Variants in COL5A1 observed in about 807,000 individuals in gnomAD.
COL5A1 encodes collagen type V alpha 1 chain, also known as collagen alpha-1(V) chain.
Under a neutral mutation model 263.7 loss-of-function variants are expected in COL5A1, and 16 were observed. The observed-to-expected ratio is 0.06, with a 90% CI of 0.04 to 0.09. The LOEUF is 0.09. Ranked by LOEUF, COL5A1 falls within the 10% of genes least tolerant of loss-of-function variation. The probability of loss-of-function intolerance (pLI) is 1.00; values close to 1 mark genes in which losing one functional copy is unlikely to be tolerated. For missense variants in COL5A1, 2,036 were observed against 2,540.5 expected, an observed-to-expected ratio of 0.80 and a Z score of 4.27; for synonymous variants, 1,012 against 1,004.5, an observed-to-expected ratio of 1.01 and a Z score of -0.14.
intron 4 of COL5A1, among the ~76,000 whole-genome samples, chr9:134,715,058 C>T (rs926395787): frequency 1.3e-5 from 2 of 151,998 alleles, no homozygotes; most frequent in African/African-American, 2.4e-5. Flanking sequence ...GACCAGCGCT[C>T]AGCATACGGA....
chr9:134,698,227 A>G (rs1046553190), intron 2 of COL5A1, among the ~76,000 whole-genome samples: 11 of 152,186 alleles, frequency 7.2e-5, no homozygotes, highest in African/African-American at 1.9e-4. Flanking sequence ...GGCTGTCCCC[A>G]GCTTTGGGGG....
At chr9:134,813,722 A>G (rs1482938276) in intron 48 of COL5A1, among the ~76,000 whole-genome samples, 1 of 152,196 alleles carries the variant, frequency 6.6e-6, no homozygotes, top group Non-Finnish European at 1.5e-5. Flanking sequence ...CAACCCTTGG[A>G]GCAGCGCTCC....
rs57599653 is a variant in COL5A1 at position 134,843,155 on chromosome 9, CTTTTT to C, written c.*861_*865del. 1 of 108,528 alleles carries C rather than the reference CTTTTT, an allele frequency of 9.2e-6. No individual in the cohort carries two copies. Among genetic ancestry groups the C allele is most frequent in the Non-Finnish European group, 2.1e-5 (1 of 48,132 alleles). 6.7% of individuals were successfully genotyped at this position (108,528 alleles called of 1,614,324 possible). On this transcript the variant is annotated 3_prime_UTR_variant, in exon 66 of 66. Transcript: ENST00000371817. ...CAGACAGTTTTTGATTCGCTCTAGA[CTTTTT>C]TTTTTTTTAATAGGGAAAAAATTTG...
rs181875141 is a variant in COL5A1 at position 134,699,244 on chromosome 9, A to C, written c.278-665A>C. Among the ~76,000 whole-genome samples, 190 of 152,272 alleles carry C rather than the reference A, an allele frequency of 1.2e-3. 2 individuals are homozygous for C. Among genetic ancestry groups the C allele is most frequent in the African/African-American group, 4.1e-3 (169 of 41,554 alleles). On this transcript the variant is annotated intron_variant, in intron 2 of 65. Transcript: ENST00000371817. ...TGGGTCTGCCTTTTAATGACCTCAA[A>C]TTGCTCCTGGCATGTGTTGTAAGAG...
intron 14 of COL5A1, 91 bp from the exon 15 acceptor site, chr9:134,753,759 T>TCCCCCCGGCCCCCCCCCGCCCCCCCCC: frequency 1.8e-6 from 1 of 540,648 alleles, no homozygotes. Context: ...CCCTGTCCCC[T>TCCCCCCGGCCCCCCCCCGCCCCCCCCC]CCCCCTGCCC....
intron 1 of COL5A1, among the ~76,000 whole-genome samples, chr9:134,674,630 A>G (rs1416677407): frequency 6.6e-6 from 1 of 152,190 alleles, no homozygotes; most frequent in Non-Finnish European, 1.5e-5. Context: ...TCACGCCTGT[A>G]ATCCCAGCAC....
At chr9:134,840,468 C>T (rs558293252) in intron 65 of COL5A1, among the ~76,000 whole-genome samples, 5 of 152,292 alleles carry the variant, frequency 3.3e-5, no homozygotes, top group East Asian at 3.9e-4. Flanking sequence ...TCACAGAAAG[C>T]GTATCGGTTA....
chr9:134,830,781 A>G (rs946022134), intron 64 of COL5A1, among the ~76,000 whole-genome samples: 2 of 152,228 alleles, frequency 1.3e-5, no homozygotes, highest in Non-Finnish European at 2.9e-5. Flanking sequence ...AGAACCACAT[A>G]GGAGGTTCTT....
At chr9:134,822,887 A>G (rs1839073796) in intron 59 of COL5A1, 111 bp from the exon 60 acceptor site, 2 of 1,176,002 alleles carry the variant, frequency 1.7e-6, no homozygotes, top group Non-Finnish European at 2.5e-6. Flanking sequence ...CTTGAGGGGG[A>G]TGCGGGTGGG....
At position 134,765,962 on chromosome 9, in the gene COL5A1, C is replaced by T. The variant is rs1263814616; in HGVS notation, c.2088+228C>T. ...GAGGCCCGAGGCTGCCGGCCTCACG[C>T]CTCCGCTTCACCCTGGCTGCACTTC... is the stretch of plus-strand genomic sequence containing the variant. On this transcript the variant is annotated intron_variant, in intron 21 of 65. Coordinates refer to ENST00000371817, the MANE Select transcript of COL5A1 (RefSeq NM_000093.5). This position sits in a 1 kb window ranked among gnomAD's most constrained non-coding sequence, Gnocchi z 5.1. 6.6e-6 allele frequency among the ~76,000 whole-genome samples: 1 copy of T among 152,344 alleles called. No homozygotes were observed. Among genetic ancestry groups the T allele is most frequent in the Middle Eastern group, 3.4e-3 (1 of 294 alleles).
chr9:134,689,096 G>A (rs1280848423), intron 1 of COL5A1, among the ~76,000 whole-genome samples: 7 of 152,168 alleles, frequency 4.6e-5, no homozygotes, highest in Non-Finnish European at 1.0e-4. Context: ...AGAGTCCTCC[G>A]TCTGGGTGCT....
chr9:134,799,716 G>A (rs1181065657), intron 37 of COL5A1, among the ~76,000 whole-genome samples: 1 of 152,194 alleles, frequency 6.6e-6, no homozygotes, highest in Non-Finnish European at 1.5e-5. Context: ...TCTGCACGGC[G>A]CATGCTGCCT....
chr9:134,752,679 G>T (rs191673289), intron 14 of COL5A1, 34 bp downstream of exon 14: 32 of 1,562,242 alleles, frequency 2.0e-5, no homozygotes, highest in Non-Finnish European at 2.7e-5. Context: ...GCTGGGCGTG[G>T]TGTGGGGATT....
At position 134,727,286 on chromosome 9, in the gene COL5A1, C is replaced by G. The variant is rs531830334; in HGVS notation, c.675C>G (p.Leu225=). The part of the protein sequence containing the change: ...EVFEGDIQQL[L]FVSDHRAAYD... ...TCCAGGGTGACATCCAGCAGCTGCTCTTTGTCTCGGACCACCGGGCAGCTT... is the reference window on the plus strand; with the variant it reads ...TCCAGGGTGACATCCAGCAGCTGCTGTTTGTCTCGGACCACCGGGCAGCTT... The change falls in exon 5 of 66, where the codon CTC becomes CTG. Residue 225 remains leucine (L), a synonymous_variant. Transcript: ENST00000371817. 57 of 1,613,994 alleles carry G rather than the reference C, an allele frequency of 3.5e-5. No homozygotes were observed. The South Asian group carries it at 6.0e-4, about 17-fold the overall frequency.
intron 19 of COL5A1, 49 bp from the exon 20 acceptor site, chr9:134,763,644 C>T: frequency 1.9e-6 from 3 of 1,593,280 alleles, no homozygotes; most frequent in Non-Finnish European, 2.6e-6. Flanking sequence ...AAGCTGGTGT[C>T]CAGGCTAACA....
chr9:134,749,692 A>G (rs1835706274), intron 11 of COL5A1, among the ~76,000 whole-genome samples: 1 of 152,210 alleles, frequency 6.6e-6, no homozygotes, highest in Admixed American at 6.5e-5. Context: ...ACTGGAGTGT[A>G]ACTGGAGTGT....
chr9:134,773,888 C>G (rs1836957157), intron 26 of COL5A1, among the ~76,000 whole-genome samples: 1 of 152,232 alleles, frequency 6.6e-6, no homozygotes, highest in Non-Finnish European at 1.5e-5. Flanking sequence ...GGTGAACCCT[C>G]CCCTCGGCCC....
intron 1 of COL5A1, chr9:134,653,223 AG>A: frequency 6.5e-6 from 1 of 154,170 alleles, no homozygotes; most frequent in East Asian, 1.9e-4. Context: ...ACTATCCGGC[AG>A]GTCTTAGGGA....
At chr9:134,717,091 C>T (rs1007606940) in intron 4 of COL5A1, among the ~76,000 whole-genome samples, 4 of 151,350 alleles carry the variant, frequency 2.6e-5, no homozygotes, top group African/African-American at 9.7e-5. Context: ...AACATCAAAG[C>T]GAGATTGTAA....
Sources: allele counts gnomAD v4.1 joint callset (sites outside exome capture counted in the v4.1 genomes callset), GRCh38; gene constraint gnomAD v4.1.1; non-coding constraint Gnocchi (gnomAD v3.1); transcripts MANE v1.5; gene names NCBI Gene and HGNC (gene_info 2026-07-23, HGNC 2026-07-21).